Variants in CD96 observed in about 807,000 individuals in gnomAD.
CD96 encodes T-cell surface protein tactile.
CD96 carries 70 observed loss-of-function variants against 71.3 expected under a neutral mutation model. The ratio of observed to expected loss-of-function variants is 0.98; its 90% CI spans 0.81 to 1.20. The LOEUF (loss-of-function observed/expected upper bound fraction) is 1.20. Among genes scored for constraint, CD96 ranks in the 50% most tolerant of loss-of-function variants. The pLI, the probability that CD96 is intolerant of heterozygous loss-of-function variation, is 0.00. For synonymous variants in CD96, 248 were observed against 233.0 expected, an observed-to-expected ratio of 1.06 and a Z score of -0.59; for missense variants, 742 against 677.5, an observed-to-expected ratio of 1.10 and a Z score of -1.06.
At chr3:111,646,171 A>G (rs778492941) in intron 12 of CD96, among the ~76,000 whole-genome samples, 5 of 152,146 alleles carry the variant, frequency 3.3e-5, no homozygotes, top group Non-Finnish European at 7.4e-5. Context: ...TGTATAAGAA[A>G]TTTCACTGGA....
intron 7 of CD96, 143 bp from the exon 8 acceptor site, chr3:111,606,557 A>G: frequency 1.5e-6 from 1 of 653,632 alleles, no homozygotes; most frequent in Non-Finnish European, 2.8e-6. Context: ...ATTATATCCC[A>G]CTGCCTTGAC....
intron 8 of CD96, among the ~76,000 whole-genome samples, chr3:111,607,974 T>C (rs1937706042): frequency 6.6e-6 from 1 of 152,272 alleles, no homozygotes. Context: ...AGTTATCCAT[T>C]GCTGCATTAA....
intron 4 of CD96, among the ~76,000 whole-genome samples, chr3:111,582,353 C>T (rs896505415): frequency 6.6e-5 from 10 of 152,166 alleles, no homozygotes; most frequent in East Asian, 1.9e-4. Context: ...CTGTTCAACA[C>T]GATGTACTTA....
chr3:111,637,768 A>G lies in CD96; in HGVS notation c.1388-311A>G, dbSNP rs559550143. ...TCATGGAGATTCTTTAGCAGACATC[A>G]TTTTGTTGTTTGGAAGTATGGAGCT... is the stretch of plus-strand genomic sequence containing the variant. On this transcript the variant is annotated intron_variant, in intron 11 of 13. Coordinates refer to ENST00000352690, the MANE Select transcript of CD96 (RefSeq NM_005816.5). Among the ~76,000 whole-genome samples the G allele has an allele frequency of 2.2e-4, 33 of 147,734 alleles. No individual in the cohort carries two copies. In the East Asian group the frequency reaches 2.4e-3, roughly 11 times the overall value.
chr3:111,658,088 G>T (rs1940276043), intron 14 of CD96, among the ~76,000 whole-genome samples: 1 of 152,208 alleles, frequency 6.6e-6, no homozygotes, highest in Non-Finnish European at 1.5e-5. Flanking sequence ...TGAACTCAGA[G>T]AAATGTCTAA....
chr3:111,562,300 A>G (rs1044929097), intron 2 of CD96, among the ~76,000 whole-genome samples: 2 of 152,200 alleles, frequency 1.3e-5, no homozygotes, highest in African/African-American at 2.4e-5. Context: ...AGCTGCAATT[A>G]CCTTTTTTCC....
intron 5 of CD96, chr3:111,594,673 G>A (rs1055697485): frequency 3.0e-5 from 5 of 167,982 alleles, no homozygotes. Flanking sequence ...TTGCATTTTG[G>A]AGGCAGGAGA....
In CD96 at chr3:111,600,748, G is replaced by C. The variant is rs767482754; in HGVS notation, c.921G>C (p.Glu307Asp). The change falls in exon 7 of 14, where the codon GAG becomes GAC. Residue 307 changes from glutamate to aspartate, a missense_variant. Physicochemically the swap from Glu to Asp is conservative, Grantham distance 45 (BLOSUM62 2). Transcript: ENST00000352690. Reference sequence around the variant, plus strand: ...CAGGAATATATATTACTAATGAAGAGAGAAAAGGCAAAGATGGATTTTTGG... The same window carrying C: ...CAGGAATATATATTACTAATGAAGACAGAAAAGGCAAAGATGGATTTTTGG... ...EKEGIYITNE[E>D]RKGKDGFLEL... 9 of 1,612,694 alleles carry C rather than the reference G, an allele frequency of 5.6e-6. No individual in the cohort carries two copies. The highest frequency in any genetic ancestry group is 2.2e-5 in the East Asian group (1 of 44,862).
chr3:111,571,503 A>G (rs1214844252), intron 3 of CD96, among the ~76,000 whole-genome samples: 1 of 151,948 alleles, frequency 6.6e-6, no homozygotes, highest in Non-Finnish European at 1.5e-5. Flanking sequence ...GGCCATGTAG[A>G]CATTACCTTT....
At chr3:111,618,745 T>C (rs1487714343) in intron 8 of CD96, among the ~76,000 whole-genome samples, 2 of 152,014 alleles carry the variant, frequency 1.3e-5, no homozygotes, top group Non-Finnish European at 1.5e-5. Context: ...TAATTTTTTG[T>C]ATTTTTAGTA....
chr3:111,638,811 A>C (rs1939457985), intron 12 of CD96, among the ~76,000 whole-genome samples: 1 of 152,192 alleles, frequency 6.6e-6, no homozygotes, highest in African/African-American at 2.4e-5. Context: ...ATCATCTTGC[A>C]CACGTCGTGG....
chr3:111,601,856 G>GT (rs1937508364), intron 7 of CD96, among the ~76,000 whole-genome samples: 1 of 152,190 alleles, frequency 6.6e-6, no homozygotes, highest in African/African-American at 2.4e-5. Context: ...AGGTGCAGTG[G>GT]TTGGTTATGA....
intron 14 of CD96, among the ~76,000 whole-genome samples, chr3:111,664,132 A>G (rs1472731847): frequency 6.6e-6 from 1 of 152,214 alleles, no homozygotes; most frequent in African/African-American, 2.4e-5. Flanking sequence ...AAATAGTGCT[A>G]CCATTCAACC....
At chr3:111,618,653 C>A (rs546833871) in intron 8 of CD96, among the ~76,000 whole-genome samples, 54 of 146,536 alleles carry the variant, frequency 3.7e-4, no homozygotes, top group African/African-American at 1.3e-3. Context: ...GGCACGATCT[C>A]AGCTCACTGC....
intron 13 of CD96, among the ~76,000 whole-genome samples, chr3:111,648,914 C>T (rs1355102478): frequency 6.6e-6 from 1 of 152,172 alleles, no homozygotes; most frequent in Non-Finnish European, 1.5e-5. Context: ...CTCTTTAATG[C>T]ATTTCGGAAA....
intron 10 of CD96, among the ~76,000 whole-genome samples, chr3:111,632,361 GA>G (rs1016308029): frequency 2.0e-5 from 3 of 151,594 alleles, no homozygotes; most frequent in East Asian, 3.9e-4. Flanking sequence ...CCAGAAACAT[GA>G]AAAAAAAGCT....
Position 111,638,305 on chromosome 3 carries a change from T to A in CD96, c.1477+137T>A, listed in dbSNP as rs1323512430. ...CACACTGGCTTTTTGAAGATTATAA[T>A]CTATTAGTGATCGATCATGTGTATA... is the stretch of plus-strand genomic sequence containing the variant. On this transcript the variant is annotated intron_variant, in intron 12 of 13. Coordinates refer to ENST00000352690, the MANE Select transcript of CD96 (RefSeq NM_005816.5). 9 of 722,748 alleles carry A rather than the reference T, an allele frequency of 1.2e-5. No homozygotes were observed. The Admixed American group carries it at 1.7e-4, about 14-fold the overall frequency. 44.8% of individuals were successfully genotyped at this position (722,748 alleles called of 1,614,324 possible).
At chr3:111,624,484 G>A (rs1411529143) in intron 10 of CD96, 80 bp downstream of exon 10, 2 of 839,398 alleles carry the variant, frequency 2.4e-6, no homozygotes, top group African/African-American at 3.3e-5. Context: ...ACATCTATGT[G>A]CTTTGTTTGT....
intron 5 of CD96, among the ~76,000 whole-genome samples, chr3:111,586,809 C>T (rs747238905): frequency 7.9e-5 from 12 of 152,124 alleles, no homozygotes; most frequent in East Asian, 1.9e-4. Context: ...CGTGGGAATT[C>T]GAGATTAGAT....
Sources: gnomAD v4.1 joint callset for allele counts (sites outside exome capture counted in the v4.1 genomes callset) on GRCh38, gnomAD v4.1.1 for gene constraint, MANE v1.5 for transcripts, NCBI Gene and HGNC (gene_info 2026-07-23, HGNC 2026-07-21) for gene names.